The following FOXP1 variants were observed in gnomAD, a reference collection of about 807,000 sequenced individuals.
FOXP1 encodes forkhead box P1, also known as forkhead box protein P1.
FOXP1 carries 15 observed loss-of-function variants against 98.2 expected under a neutral mutation model. The ratio of observed to expected loss-of-function variants is 0.15; its 90% CI spans 0.10 to 0.24. The LOEUF is 0.24. Ranked by LOEUF, FOXP1 falls within the 10% of genes least tolerant of loss-of-function variation. The pLI, the probability that FOXP1 is intolerant of heterozygous loss-of-function variation, is 1.00. For missense variants in FOXP1, 633 were observed against 848.5 expected, an observed-to-expected ratio of 0.75 and a Z score of 3.15; for synonymous variants, 371 against 314.5, an observed-to-expected ratio of 1.18 and a Z score of -1.90.
chr3:71,199,795 G>A (rs1004341296), intron 5 of FOXP1, among the ~76,000 whole-genome samples: 10 of 151,516 alleles, frequency 6.6e-5, no homozygotes, highest in Non-Finnish European at 1.2e-4. Flanking sequence ...ATATCACTTA[G>A]GGCCAGGCGC....
intron 5 of FOXP1, 60 bp from the exon 6 acceptor site, chr3:71,198,452 T>A (rs2108384221): frequency 1.5e-6 from 2 of 1,293,244 alleles, no homozygotes; most frequent in South Asian, 1.2e-5. Context: ...AAGCAGCTGT[T>A]AAAGCAGTTG....
intron 2 of FOXP1, among the ~76,000 whole-genome samples, chr3:71,561,791 T>C (rs1351708500): frequency 6.6e-6 from 1 of 152,210 alleles, no homozygotes; most frequent in African/African-American, 2.4e-5. Flanking sequence ...AGTATATTTC[T>C]TTGCACAGTA....
At chr3:71,048,980 T>C (rs1361812931) in intron 9 of FOXP1, among the ~76,000 whole-genome samples, 1 of 152,104 alleles carries the variant, frequency 6.6e-6, no homozygotes, top group Non-Finnish European at 1.5e-5. Context: ...TATAAAAGTA[T>C]ACAAGGCCCA....
intron 14 of FOXP1, among the ~76,000 whole-genome samples, chr3:70,987,246 G>A (rs907091385): frequency 2.0e-5 from 3 of 152,216 alleles, no homozygotes; most frequent in African/African-American, 4.8e-5. Context: ...CCGTTAAAGA[G>A]ATCGATTTAT....
intron 2 of FOXP1, among the ~76,000 whole-genome samples, chr3:71,552,283 G>A (rs1578146742): frequency 6.6e-6 from 1 of 151,948 alleles, no homozygotes; most frequent in South Asian, 2.1e-4. Context: ...CAGCCCTAAT[G>A]AAATTTCAAA....
chr3:71,403,353 G>A (rs2082073468), intron 3 of FOXP1, among the ~76,000 whole-genome samples: 1 of 152,200 alleles, frequency 6.6e-6, no homozygotes, highest in African/African-American at 2.4e-5. Context: ...AAAAAATGAT[G>A]TGGCTCATCA....
rs1046103519 is a variant in FOXP1 at position 71,132,599 on chromosome 3, G to A, written c.181-19962C>T. ...AATTCCACATTATAATTTAGCCTGCGGTTATTCCTGATTGCAAGCACCCTC... is the reference window on the plus strand; with the variant it reads ...AATTCCACATTATAATTTAGCCTGCAGTTATTCCTGATTGCAAGCACCCTC... On this transcript the variant is annotated intron_variant, in intron 6 of 20. Transcript: ENST00000649528. Among the ~76,000 whole-genome samples the A allele has an allele frequency of 2.4e-4, 36 of 152,160 alleles. 1 individual carries two copies.
chr3:71,137,717 C>A (rs1209808402), intron 6 of FOXP1, among the ~76,000 whole-genome samples: 1 of 152,104 alleles, frequency 6.6e-6, no homozygotes, highest in Non-Finnish European at 1.5e-5. Flanking sequence ...CCTTCAATAA[C>A]ATCCGAATGC....
At chr3:71,231,912 A>C (rs2106770271) in intron 5 of FOXP1, among the ~76,000 whole-genome samples, 1 of 152,388 alleles carries the variant, frequency 6.6e-6, no homozygotes, top group African/African-American at 2.4e-5. Context: ...TCCTGTAGGA[A>C]GGCCACATCC....
intron 6 of FOXP1, among the ~76,000 whole-genome samples, chr3:71,174,828 C>CACACA (rs1560064270): frequency 5.7e-5 from 6 of 105,150 alleles, no homozygotes; most frequent in South Asian, 2.8e-4. Flanking sequence ...ACACACACAC[C>CACACA]CCAATATACC....
chr3:70,979,316 A>AAAAAAAAAAAAG (rs1553670621), intron 14 of FOXP1, among the ~76,000 whole-genome samples: 47 of 96,436 alleles, frequency 4.9e-4, no homozygotes, highest in South Asian at 1.1e-3. Flanking sequence ...AAAAAAAAAA[A>AAAAAAAAAAAAG]AAAAGAAAAA....
At chr3:71,313,704 T>C (rs2074871309) in intron 4 of FOXP1, among the ~76,000 whole-genome samples, 1 of 151,578 alleles carries the variant, frequency 6.6e-6, no homozygotes, top group African/African-American at 2.4e-5. Context: ...TTTTTGTATT[T>C]TTAGTAGAGA....
At chr3:71,179,852 A>G (rs1270732485) in intron 6 of FOXP1, among the ~76,000 whole-genome samples, 1 of 152,192 alleles carries the variant, frequency 6.6e-6, no homozygotes, top group Non-Finnish European at 1.5e-5. Flanking sequence ...ATTTTTCTAC[A>G]ACGAATGTGT....
intron 11 of FOXP1, among the ~76,000 whole-genome samples, chr3:71,039,214 C>G (rs965627202): frequency 8.6e-5 from 13 of 151,994 alleles, no homozygotes; most frequent in Admixed American, 7.9e-4. Flanking sequence ...CTTTTACATC[C>G]AGATTAAGGC....
intron 3 of FOXP1, among the ~76,000 whole-genome samples, chr3:71,379,498 T>G (rs1359481603): frequency 1.3e-5 from 2 of 152,088 alleles, no homozygotes; most frequent in East Asian, 3.8e-4. Flanking sequence ...CAGCAAGAAT[T>G]TCATACCAGG....
chr3:71,515,060 G>C (rs1464070637), intron 2 of FOXP1, among the ~76,000 whole-genome samples: 1 of 152,110 alleles, frequency 6.6e-6, no homozygotes, highest in African/African-American at 2.4e-5. Flanking sequence ...AGATAGCCAG[G>C]CTATCTGCTT....
chr3:70,998,698 G>C (rs941926380), intron 13 of FOXP1, among the ~76,000 whole-genome samples: 1 of 152,142 alleles, frequency 6.6e-6, no homozygotes, highest in Non-Finnish European at 1.5e-5. Flanking sequence ...AGGAAATCTA[G>C]AAATAAATGA....
intron 11 of FOXP1, among the ~76,000 whole-genome samples, chr3:71,028,319 C>T (rs188579628): frequency 3.3e-5 from 5 of 152,242 alleles, no homozygotes; most frequent in African/African-American, 1.2e-4. Flanking sequence ...CATAAGGATA[C>T]CAGGTGGGGA....
At chr3:71,000,873 C>T (rs2042046530) in intron 13 of FOXP1, 99 bp downstream of exon 13, 1 of 689,908 alleles carries the variant, frequency 1.4e-6, no homozygotes, top group East Asian at 2.7e-5. Flanking sequence ...TTGGACCTTC[C>T]ATTCAATAAT....
Sources: allele counts gnomAD v4.1 joint callset (sites outside exome capture counted in the v4.1 genomes callset), GRCh38; gene constraint gnomAD v4.1.1; transcripts MANE v1.5; gene names NCBI Gene and HGNC (gene_info 2026-07-23, HGNC 2026-07-21).